Variants in RGS7 observed in about 807,000 individuals in gnomAD.
RGS7 encodes regulator of G-protein signaling 7.
A neutral mutation model predicts 81.1 loss-of-function variants in RGS7; 27 were observed. That is an observed-to-expected ratio of 0.33 (90% CI 0.25 to 0.46). The LOEUF (loss-of-function observed/expected upper bound fraction) is 0.46. RGS7 is among the 20% of genes least tolerant of loss of function. The probability of loss-of-function intolerance (pLI) is 1.00; values close to 1 mark genes in which losing one functional copy is unlikely to be tolerated. For synonymous variants in RGS7, 208 were observed against 207.7 expected, an observed-to-expected ratio of 1.00 and a Z score of -0.01; for missense variants, 396 against 607.4, an observed-to-expected ratio of 0.65 and a Z score of 3.66.
intron 2 of RGS7, among the ~76,000 whole-genome samples, chr1:241,248,853 T>G (rs1335172197): frequency 1.3e-5 from 2 of 152,178 alleles, no homozygotes; most frequent in Non-Finnish European, 2.9e-5. Flanking sequence ...ACCTTTAACA[T>G]GGCCACAAGG....
intron 9 of RGS7, among the ~76,000 whole-genome samples, chr1:240,840,102 C>T (rs12116473): frequency 0.089 from 13,617 of 152,160 alleles, 890 homozygotes; most frequent in East Asian, 0.25. Context: ...TCTAATTCCT[C>T]TCTTGCTTTG....
At chr1:241,237,698 C>G (rs1448462464) in intron 2 of RGS7, among the ~76,000 whole-genome samples, 1 of 152,090 alleles carries the variant, frequency 6.6e-6, no homozygotes, top group Admixed American at 6.5e-5. Context: ...GGGGCGTGGC[C>G]AGGGAAGCAG....
chr1:240,861,403 G>C (rs567707559), intron 9 of RGS7, among the ~76,000 whole-genome samples: 1 of 152,212 alleles, frequency 6.6e-6, no homozygotes, highest in East Asian at 1.9e-4. Flanking sequence ...TATTGCTTCA[G>C]TGCTGGAAAG....
intron 2 of RGS7, among the ~76,000 whole-genome samples, chr1:241,294,461 T>A (rs1245226844): frequency 6.6e-6 from 1 of 152,164 alleles, no homozygotes; most frequent in Non-Finnish European, 1.5e-5. Flanking sequence ...AAAATAATTT[T>A]AAAAAATGTA....
chr1:240,776,310 T>G, intron 18 of RGS7, 97 bp from the exon 19 acceptor site: 1 of 920,076 alleles, frequency 1.1e-6, no homozygotes. Flanking sequence ...AGCTGATTTT[T>G]GTGCAAGGTC....
intron 2 of RGS7, among the ~76,000 whole-genome samples, chr1:241,124,616 AAGCC>A (rs2066520471): frequency 6.6e-6 from 1 of 152,182 alleles, no homozygotes; most frequent in African/African-American, 2.4e-5. Flanking sequence ...CATTAGATGG[AAGCC>A]AGCAGTAATG....
chr1:240,988,340 TTTAAA>T (rs946282762), intron 3 of RGS7, among the ~76,000 whole-genome samples: 16 of 151,912 alleles, frequency 1.1e-4, no homozygotes, highest in Admixed American at 6.6e-4. Flanking sequence ...GCAGAATTTC[TTTAAA>T]TTAAACTCAA....
At chr1:241,199,305 A>C (rs2073317697) in intron 2 of RGS7, among the ~76,000 whole-genome samples, 1 of 152,076 alleles carries the variant, frequency 6.6e-6, no homozygotes, top group South Asian at 2.1e-4. Flanking sequence ...AAAAAATACA[A>C]AAATTAGCTG....
intron 2 of RGS7, among the ~76,000 whole-genome samples, chr1:241,315,716 A>G (rs2080830592): frequency 2.0e-5 from 3 of 152,198 alleles, no homozygotes; most frequent in Admixed American, 2.0e-4. Context: ...TGCCCTGGCT[A>G]GGACTTCTAG....
chr1:240,789,188 T>TA (rs200778153), intron 18 of RGS7, among the ~76,000 whole-genome samples: 13,627 of 152,246 alleles, frequency 0.09, 2,047 homozygotes, highest in African/African-American at 0.31. Context: ...CATGGACACT[T>TA]ACCACTTCCC....
chr1:240,870,376 C>A (rs901483434), intron 6 of RGS7, among the ~76,000 whole-genome samples: 1 of 151,906 alleles, frequency 6.6e-6, no homozygotes. Context: ...TACTCTGTCA[C>A]CCTGGCTGAA....
At position 241,002,560 on chromosome 1, in the gene RGS7, G is replaced by T. The variant is rs138485557; in HGVS notation, c.176-19431C>A. Among the ~76,000 whole-genome samples, 46 of 151,994 alleles carry T rather than the reference G, an allele frequency of 3.0e-4. 1 individual carries two copies. The highest frequency in any genetic ancestry group is 1.1e-3 in the African/African-American group (44 of 41,458). The stretch of plus-strand genomic sequence containing the variant: ...TCTCCCCAGCACTCATCATTTTGCT[G>T]TCACATTTTATATTTACTGATATTA... On this transcript the variant is annotated intron_variant, in intron 3 of 18. Coordinates refer to ENST00000440928, the MANE Select transcript of RGS7 (RefSeq NM_001364886.1).
intron 2 of RGS7, among the ~76,000 whole-genome samples, chr1:241,203,525 C>A (rs938454611): frequency 1.3e-5 from 2 of 152,114 alleles, no homozygotes; most frequent in Non-Finnish European, 2.9e-5. Flanking sequence ...CCACCGTGCC[C>A]GGCCTGAGTT....
chr1:240,984,908 T>C (rs1474519151), intron 3 of RGS7, among the ~76,000 whole-genome samples: 1 of 152,232 alleles, frequency 6.6e-6, no homozygotes, highest in East Asian at 1.9e-4. Flanking sequence ...TCAGCATGCA[T>C]GCATTTAAAA....
At chr1:241,321,519 T>G (rs574784877) in intron 2 of RGS7, among the ~76,000 whole-genome samples, 5 of 152,322 alleles carry the variant, frequency 3.3e-5, no homozygotes, top group South Asian at 2.1e-4. Flanking sequence ...AAAATCTTCA[T>G]GCAGATTAAA....
chr1:240,996,859 C>A (rs1041624020), intron 3 of RGS7, among the ~76,000 whole-genome samples: 6 of 151,982 alleles, frequency 3.9e-5, no homozygotes, highest in African/African-American at 9.7e-5. Flanking sequence ...CTTAAGTATG[C>A]CATTTTATTT....
intron 4 of RGS7, among the ~76,000 whole-genome samples, chr1:240,977,071 A>C (rs1684220344): frequency 7.1e-6 from 1 of 141,390 alleles, no homozygotes; most frequent in Non-Finnish European, 1.5e-5. Flanking sequence ...TCCATCATCT[A>C]TCATCTATCT....
intron 2 of RGS7, among the ~76,000 whole-genome samples, chr1:241,340,824 G>A (rs1237290621): frequency 6.6e-6 from 1 of 152,018 alleles, no homozygotes; most frequent in Non-Finnish European, 1.5e-5. Flanking sequence ...AATAGGAGAA[G>A]TAAGAAAGTA....
intron 2 of RGS7, among the ~76,000 whole-genome samples, chr1:241,220,613 C>T (rs2074835483): frequency 6.6e-6 from 1 of 152,080 alleles, no homozygotes; most frequent in South Asian, 2.1e-4. Context: ...TCTTTACAAA[C>T]ACTCCTGGGT....
Sources: gnomAD v4.1 joint callset for allele counts (sites outside exome capture counted in the v4.1 genomes callset) on GRCh38, gnomAD v4.1.1 for gene constraint, MANE v1.5 for transcripts, NCBI Gene and HGNC (gene_info 2026-07-23, HGNC 2026-07-21) for gene names.